The following SLC30A7 variants were observed in gnomAD, a reference collection of about 807,000 sequenced individuals.
SLC30A7 encodes zinc transporter 7.
In SLC30A7, 35 loss-of-function variants were observed where a neutral mutation model predicts 46.0. The observed-to-expected ratio is 0.76, with a 90% confidence interval of 0.58 to 1.01. The LOEUF is 1.01. SLC30A7 is among the 50% of genes least tolerant of loss of function. The probability of loss-of-function intolerance (pLI) is 0.00; values close to 1 mark genes in which losing one functional copy is unlikely to be tolerated. For synonymous variants in SLC30A7, 147 were observed against 157.8 expected (o/e 0.93, Z 0.51); for missense variants, 464 against 451.1 (o/e 1.03, Z -0.26).
chr1:100,991,093 T>C, the SLC30A7 span, among the ~76,000 whole-genome samples: 1 of 151,946 alleles, frequency 6.6e-6, no homozygotes, highest in African/African-American at 2.4e-5. Flanking sequence ...TGTGATAAAC[T>C]TCAGTTTTCT....
At chr1:100,948,538 G>A (rs965117514) in intron 8 of SLC30A7, among the ~76,000 whole-genome samples, 27 of 152,054 alleles carry the variant, frequency 1.8e-4, no homozygotes, top group Admixed American at 1.4e-3. Flanking sequence ...TGGTCTTGTC[G>A]AGGACTATCT....
chr1:100,973,266 T>C (rs750542125), intron 10 of SLC30A7, among the ~76,000 whole-genome samples: 3 of 152,214 alleles, frequency 2.0e-5, no homozygotes, highest in South Asian at 2.1e-4. Flanking sequence ...CAGAAATTAC[T>C]GTAAGAAGGT....
intron 8 of SLC30A7, among the ~76,000 whole-genome samples, chr1:100,939,050 A>C (rs1355830046): frequency 6.6e-6 from 1 of 152,218 alleles, no homozygotes; most frequent in African/African-American, 2.4e-5. Context: ...TTAACATGAT[A>C]AATTACATGC....
rs1656564206 is a variant in SLC30A7 at position 100,977,013 on chromosome 1, CATT to C, written c.*2158_*2160del. 1 of 136,606 alleles carries C rather than the reference CATT, an allele frequency of 7.3e-6. No individual in the cohort carries two copies. Among genetic ancestry groups the C allele is most frequent in the South Asian group, 2.2e-4 (1 of 4,552 alleles). 8.5% of individuals were successfully genotyped at this position (136,606 alleles called of 1,614,324 possible). A position where few individuals can be genotyped will look rare whatever the true frequency, so the allele number is the denominator to read the frequency against. The stretch of plus-strand genomic sequence containing the variant: ...TGGTTTTTCTACAAATATAAGTAGT[CATT>C]AGAAGTTTGCAACCACCACCAAGTC... On this transcript the variant is annotated 3_prime_UTR_variant, in exon 11 of 11. Coordinates refer to ENST00000357650, the MANE Select transcript of SLC30A7 (RefSeq NM_133496.5).
intron 8 of SLC30A7, among the ~76,000 whole-genome samples, chr1:100,940,254 G>A (rs1383898300): frequency 6.6e-6 from 1 of 152,028 alleles, no homozygotes; most frequent in South Asian, 2.1e-4. Flanking sequence ...CTATATACCC[G>A]GAAACATTTC....
At chr1:100,947,258 CGTT>C (rs1372883281) in intron 8 of SLC30A7, among the ~76,000 whole-genome samples, 4 of 152,270 alleles carry the variant, frequency 2.6e-5, no homozygotes, top group Admixed American at 2.0e-4. Flanking sequence ...TACATTGTGT[CGTT>C]GTTTTCATTG....
At chr1:100,950,038 C>T (rs1409784716) in intron 8 of SLC30A7, among the ~76,000 whole-genome samples, 4 of 152,200 alleles carry the variant, frequency 2.6e-5, no homozygotes, top group Non-Finnish European at 5.9e-5. Context: ...CAACCAGGCC[C>T]TGTGAGATGA....
the SLC30A7 span, among the ~76,000 whole-genome samples, chr1:100,991,788 C>CAAAAAAAAAAAAAAAAAAAAAAAAAAAAA: frequency 9.9e-6 from 1 of 101,066 alleles, no homozygotes; most frequent in African/African-American, 4.0e-5. Context: ...GACCCCATCT[C>CAAAAAAAAAAAAAAAAAAAAAAAAAAAAA]AAAAAAAAAA....
chr1:100,937,080 C>T (rs1654011063), intron 8 of SLC30A7, among the ~76,000 whole-genome samples: 1 of 152,084 alleles, frequency 6.6e-6, no homozygotes, highest in Non-Finnish European at 1.5e-5. Flanking sequence ...TTCATTTTTG[C>T]TTAGCATTTT....
intron 4 of SLC30A7, among the ~76,000 whole-genome samples, chr1:100,911,599 G>A (rs1652098725): frequency 6.6e-6 from 1 of 152,134 alleles, no homozygotes; most frequent in South Asian, 2.1e-4. Flanking sequence ...TGCCCAAGCT[G>A]GAGTGCAGTG....
the SLC30A7 span, among the ~76,000 whole-genome samples, chr1:100,991,944 C>G: frequency 6.6e-6 from 1 of 151,368 alleles, no homozygotes. Flanking sequence ...CTGTCTCTAC[C>G]AAAAACACAC....
chr1:100,926,429 C>T (rs529086364), intron 8 of SLC30A7, among the ~76,000 whole-genome samples: 3 of 151,878 alleles, frequency 2.0e-5, no homozygotes, highest in South Asian at 2.1e-4. Context: ...AGGCATGTAG[C>T]GTGGTGAAAG....
chr1:100,995,079 AC>A, the SLC30A7 span: 1 of 1,488,038 alleles, frequency 6.7e-7, no homozygotes. Context: ...GAAATAAAAC[AC>A]ATGTATGCAT....
At chr1:100,988,278 T>TTA in the SLC30A7 span, among the ~76,000 whole-genome samples, 1 of 152,144 alleles carries the variant, frequency 6.6e-6, no homozygotes, top group African/African-American at 2.4e-5. Context: ...TAGCCACGCC[T>TTA]TACCACACAG....
In SLC30A7 at chr1:100,921,691, A is replaced by G. The variant is rs111431513; in HGVS notation, c.707-15A>G. ...CCAAAAGACTGTTTTGATTTTTATT[A>G]TGGTTTATTTCTAGGTGTATTTTTA... is the stretch of plus-strand genomic sequence containing the variant. On this transcript the variant is annotated splice_polypyrimidine_tract_variant and intron_variant, in intron 7 of 10. Transcript: ENST00000357650. 31 of 1,590,630 alleles carry G rather than the reference A, an allele frequency of 1.9e-5. No homozygotes were observed. The African/African-American group carries it at 3.5e-4, about 18-fold the overall frequency.
At chr1:100,904,771 C>G (rs934361220) in intron 2 of SLC30A7, among the ~76,000 whole-genome samples, 1 of 152,166 alleles carries the variant, frequency 6.6e-6, no homozygotes, top group Non-Finnish European at 1.5e-5. Flanking sequence ...ACTGCTGTTG[C>G]TTGTTACTCA....
chr1:100,925,211 T>C (rs1019209198), intron 8 of SLC30A7, among the ~76,000 whole-genome samples: 7 of 152,214 alleles, frequency 4.6e-5, no homozygotes, highest in African/African-American at 4.8e-5. Flanking sequence ...TAGAAAAGCC[T>C]TGTGGTAAAA....
At chr1:100,941,933 C>T in intron 8 of SLC30A7, 1 of 293,886 alleles carries the variant, frequency 3.4e-6, no homozygotes, top group Non-Finnish European at 6.5e-6. Flanking sequence ...AAAGCCAACC[C>T]TCCAATGAAA....
At chr1:100,907,027 A>C in intron 3 of SLC30A7, 62 bp downstream of exon 3, 1 of 1,090,944 alleles carries the variant, frequency 9.2e-7, no homozygotes, top group Non-Finnish European at 1.4e-6. Context: ...AAAAACACTA[A>C]TCTTAAGCTC....
Sources: allele counts gnomAD v4.1 joint callset (sites outside exome capture counted in the v4.1 genomes callset), GRCh38; gene constraint gnomAD v4.1.1; transcripts MANE v1.5; gene names NCBI Gene and HGNC (gene_info 2026-07-23, HGNC 2026-07-21).